Variants in NRG1 observed in about 807,000 individuals in gnomAD.
The protein encoded by NRG1 is pro-neuregulin-1, membrane-bound isoform.
In NRG1, 18 loss-of-function variants were observed where a neutral mutation model predicts 63.8. The ratio of observed to expected loss-of-function variants is 0.28; its 90% CI spans 0.19 to 0.42. The LOEUF is 0.42. Ranked by LOEUF, NRG1 falls within the 10% of genes least tolerant of loss-of-function variation. The pLI, the probability that NRG1 is intolerant of heterozygous loss-of-function variation, is 1.00. For synonymous variants in NRG1, 302 were observed against 301.3 expected (o/e 1.00, Z -0.02); for missense variants, 762 against 814.7 (o/e 0.94, Z 0.79).
intron 1 of NRG1, among the ~76,000 whole-genome samples, chr8:32,277,147 T>C (rs1273307458): frequency 1.3e-5 from 2 of 152,222 alleles, no homozygotes; most frequent in African/African-American, 4.8e-5. Context: ...CATTGTAATG[T>C]ATGCATGCTA....
rs559788434 is a variant in NRG1 at position 32,014,678 on chromosome 8, C to CATAACCTCTATTATGAGT, written c.37+375248_37+375265dup. Among the ~76,000 whole-genome samples the CATAACCTCTATTATGAGT allele has an allele frequency of 1.3e-3, 191 of 152,030 alleles. 4 individuals are homozygous for CATAACCTCTATTATGAGT. The East Asian group carries it at 0.033, about 26-fold the overall frequency. ...TTCCAATTTGTCGTCTCACTCTCTG[C>CATAACCTCTATTATGAGT]ATAACCTCTATTATGAGTTGAATTT... On this transcript the variant is annotated intron_variant, in intron 1 of 10. Transcript: ENST00000519301.
chr8:32,434,372 C>A lies in NRG1; in HGVS notation c.38-161456C>A, dbSNP rs143932185. ...GTTCTGCCTTTTAATACTAACAATGCCTGTGAAAAATATGTAGGATTATCC... is the reference window on the plus strand; with the variant it reads ...GTTCTGCCTTTTAATACTAACAATGACTGTGAAAAATATGTAGGATTATCC... On this transcript the variant is annotated intron_variant, in intron 1 of 10. Transcript: ENST00000519301. 2.9e-3 allele frequency among the ~76,000 whole-genome samples: 440 copies of A among 151,994 alleles called. 4 individuals are homozygous for A. Among genetic ancestry groups the A allele is most frequent in the African/African-American group, 0.01 (421 of 41,454 alleles).
At position 31,829,658 on chromosome 8, in the gene NRG1, A is replaced by G. The variant is rs188243013; in HGVS notation, c.37+190227A>G. Among the ~76,000 whole-genome samples, 671 of 152,100 alleles carry G rather than the reference A, an allele frequency of 4.4e-3. 6 individuals carry two copies. The highest frequency in any genetic ancestry group is 0.015 in the African/African-American group (640 of 41,388). On this transcript the variant is annotated intron_variant, in intron 1 of 10. Coordinates refer to the NRG1 transcript ENST00000519301. ...GCATTTGATAAGGTGTAAAACCACT[A>G]TAGTCTTGGATTCTTCTCATTGCTG... is the stretch of plus-strand genomic sequence containing the variant.
In NRG1 at chr8:31,724,313, C is replaced by A. The variant is rs118037090; in HGVS notation, c.37+84882C>A. ...CAAAATTGCTGTAGTAACTCAATTTCAGAAGAGTTTGACCCTGTCAGAATC... is the reference window on the plus strand; with the variant it reads ...CAAAATTGCTGTAGTAACTCAATTTAAGAAGAGTTTGACCCTGTCAGAATC... On this transcript the variant is annotated intron_variant, in intron 1 of 10. Transcript: ENST00000519301. Among the ~76,000 whole-genome samples, 1,480 of 152,214 alleles carry A rather than the reference C, an allele frequency of 9.7e-3. 46 individuals are homozygous for A. In the South Asian group the frequency reaches 0.12, roughly 12 times the overall value.
rs57367955 is a variant in NRG1, at chr8:32,510,097, AAAT to A, written c.38-85703_38-85701del. Among the ~76,000 whole-genome samples, 1,321 of 139,112 alleles carry A rather than the reference AAAT, an allele frequency of 9.5e-3. 52 individuals are homozygous for A. In the East Asian group the frequency reaches 0.13, roughly 14 times the overall value. The allele number at this position is 139,112 out of a possible 152,430, so 91.3% of individuals were successfully genotyped here. On this transcript the variant is annotated intron_variant, in intron 1 of 10. Transcript: ENST00000519301. ...GAAAGAACATAGCTATCCTAGACAA[AAAT>A]AATAATAATAATAATAATAATAATA...
intron 1 of NRG1, among the ~76,000 whole-genome samples, chr8:31,808,791 G>GAT (rs1822550443): frequency 2.0e-5 from 3 of 151,954 alleles, no homozygotes; most frequent in African/African-American, 7.2e-5. Context: ...ATTAAATCCA[G>GAT]ATTGCCATCG....
At chr8:31,762,924 T>C (rs771891151) in intron 1 of NRG1, among the ~76,000 whole-genome samples, 15 of 152,144 alleles carry the variant, frequency 9.9e-5, no homozygotes, top group Non-Finnish European at 2.2e-4. Flanking sequence ...GTTATGAGCA[T>C]AGACATAAAA....
At chr8:32,565,835 T>A (rs1837334337) in intron 1 of NRG1, among the ~76,000 whole-genome samples, 1 of 152,174 alleles carries the variant, frequency 6.6e-6, no homozygotes, top group African/African-American at 2.4e-5. Context: ...ATGGTTGGTC[T>A]CTGACCCTGT....
chr8:31,959,403 T>C (rs1309376864), intron 1 of NRG1, among the ~76,000 whole-genome samples: 5 of 152,168 alleles, frequency 3.3e-5, no homozygotes, highest in Non-Finnish European at 7.3e-5. Context: ...GTAGAAACAA[T>C]AATGAATAAT....
At chr8:32,427,498 A>T (rs1056996285) in intron 1 of NRG1, among the ~76,000 whole-genome samples, 1 of 152,178 alleles carries the variant, frequency 6.6e-6, no homozygotes. Context: ...AGGAGCTGCG[A>T]CTGGGGCAGA....
intron 5 of NRG1, among the ~76,000 whole-genome samples, chr8:32,619,199 G>A (rs973002490): frequency 7.9e-5 from 12 of 152,092 alleles, no homozygotes; most frequent in Non-Finnish European, 1.5e-4. Flanking sequence ...GGGTGACAGA[G>A]GGAGACTCTG....
intron 1 of NRG1, among the ~76,000 whole-genome samples, chr8:32,347,261 C>A (rs1456986759): frequency 6.6e-6 from 1 of 151,868 alleles, no homozygotes; most frequent in East Asian, 1.9e-4. Flanking sequence ...TTCCTTATAT[C>A]TAACTCTATT....
chr8:32,724,615 G>A (rs552119423), intron 5 of NRG1, among the ~76,000 whole-genome samples: 1 of 152,270 alleles, frequency 6.6e-6, no homozygotes, highest in East Asian at 1.9e-4. Context: ...GAAACCTGGC[G>A]AAAATCACCA....
intron 1 of NRG1, among the ~76,000 whole-genome samples, chr8:31,651,610 T>C (rs1804852311): frequency 1.3e-5 from 2 of 152,288 alleles, no homozygotes; most frequent in East Asian, 1.9e-4. Flanking sequence ...ATGATTTTTA[T>C]GGTTTGGGCA....
intron 1 of NRG1, among the ~76,000 whole-genome samples, chr8:32,316,798 CAAA>C (rs71208173): frequency 0.035 from 4,262 of 122,926 alleles, 208 homozygotes; most frequent in African/African-American, 0.12. Context: ...CTATCAGCTC[CAAA>C]AAAATAAAAT....
At chr8:31,641,408 T>G (rs1037862871) in intron 1 of NRG1, among the ~76,000 whole-genome samples, 12 of 152,062 alleles carry the variant, frequency 7.9e-5, no homozygotes, top group Admixed American at 1.3e-4. Context: ...GTTTTTGCAC[T>G]TCACTGCATC....
intron 1 of NRG1, among the ~76,000 whole-genome samples, chr8:32,075,384 A>C (rs919418251): frequency 2.0e-5 from 3 of 152,202 alleles, no homozygotes; most frequent in African/African-American, 4.8e-5. Flanking sequence ...TATTTATAAC[A>C]ACAAGTAAAC....
intron 1 of NRG1, among the ~76,000 whole-genome samples, chr8:32,161,154 A>G (rs1050151345): frequency 1.3e-5 from 2 of 151,876 alleles, no homozygotes; most frequent in African/African-American, 2.4e-5. Flanking sequence ...TCATTCCCTC[A>G]TTAAGCATTG....
chr8:32,712,232 T>C (rs1444730253), intron 5 of NRG1, among the ~76,000 whole-genome samples: 1 of 152,212 alleles, frequency 6.6e-6, no homozygotes, highest in African/African-American at 2.4e-5. Flanking sequence ...CAGGTAATGA[T>C]GATAATCCAG....
Sources: gnomAD v4.1 joint callset for allele counts (sites outside exome capture counted in the v4.1 genomes callset) on GRCh38, gnomAD v4.1.1 for gene constraint, MANE v1.5 for transcripts, NCBI Gene and HGNC (gene_info 2026-07-23, HGNC 2026-07-21) for gene names.